Variants in ADGB observed in about 807,000 individuals in gnomAD.
The protein encoded by ADGB is calpain-7-like protein.
A neutral mutation model predicts 210.5 loss-of-function variants in ADGB; 172 were observed. The ratio of observed to expected loss-of-function variants is 0.82; its 90% CI spans 0.72 to 0.93. The LOEUF is 0.93. Among genes scored for constraint, ADGB ranks in the 40% least tolerant of loss-of-function variants. The pLI is 0.00. For synonymous variants in ADGB, 658 were observed against 662.7 expected (o/e 0.99, Z 0.11); for missense variants, 2,025 against 1,964.8 (o/e 1.03, Z -0.58).
intron 27 of ADGB, among the ~76,000 whole-genome samples, chr6:146,760,966 G>A (rs573724753): frequency 6.6e-6 from 1 of 151,802 alleles, no homozygotes; most frequent in South Asian, 2.1e-4. Context: ...TTATTAACCT[G>A]TTCTTCATAT....
intron 23 of ADGB, among the ~76,000 whole-genome samples, chr6:146,739,262 T>G (rs1650911793): frequency 1.3e-5 from 2 of 152,206 alleles, no homozygotes; most frequent in African/African-American, 2.4e-5. Context: ...AGGGGTGTCA[T>G]GCATTGACAG....
intron 13 of ADGB, among the ~76,000 whole-genome samples, chr6:146,707,496 T>G (rs550299522): frequency 1.1e-4 from 17 of 152,260 alleles, no homozygotes; most frequent in Non-Finnish European, 2.1e-4. Flanking sequence ...TAATATTGCT[T>G]TATACATTTA....
chr6:146,750,508 G>A (rs1777303888), intron 26 of ADGB, among the ~76,000 whole-genome samples: 2 of 152,082 alleles, frequency 1.3e-5, no homozygotes, highest in South Asian at 4.1e-4. Flanking sequence ...AGTGAGTCAT[G>A]ATTGCACCAC....
At chr6:146,654,792 G>C (rs751104755) in intron 4 of ADGB, among the ~76,000 whole-genome samples, 1 of 152,094 alleles carries the variant, frequency 6.6e-6, no homozygotes, top group Non-Finnish European at 1.5e-5. Context: ...TATTGTGTGT[G>C]TTATTGTGTG....
At chr6:146,664,493 CA>C (rs1258131578) in intron 6 of ADGB, 153 bp downstream of exon 6, 1 of 704,266 alleles carries the variant, frequency 1.4e-6, no homozygotes, top group East Asian at 3.2e-5. Flanking sequence ...TCAAATACGC[CA>C]AAACCACTGA....
At chr6:146,716,473 G>A (rs1264985691) in intron 14 of ADGB, among the ~76,000 whole-genome samples, 3 of 141,472 alleles carry the variant, frequency 2.1e-5, no homozygotes, top group Admixed American at 2.0e-4. Context: ...GGCGCCTGTA[G>A]TCCCAGCTAC....
intron 35 of ADGB, among the ~76,000 whole-genome samples, chr6:146,804,312 A>G (rs1778178910): frequency 6.6e-6 from 1 of 152,134 alleles, no homozygotes; most frequent in South Asian, 2.1e-4. Flanking sequence ...CCTATAGGAA[A>G]TTCTAAATAT....
chr6:146,665,083 G>A (rs1345013822), intron 6 of ADGB, among the ~76,000 whole-genome samples: 1 of 151,904 alleles, frequency 6.6e-6, no homozygotes, highest in Admixed American at 6.6e-5. Flanking sequence ...GCACAGGCTG[G>A]GATTTTATAC....
chr6:146,674,244 C>A (rs1391757721), intron 8 of ADGB, among the ~76,000 whole-genome samples: 1 of 152,002 alleles, frequency 6.6e-6, no homozygotes, highest in Admixed American at 6.6e-5. Context: ...GTATAAACAA[C>A]CCTGTGAGAA....
chr6:146,691,038 G>A (rs569704012), intron 10 of ADGB, 78 bp from the exon 11 acceptor site: 9 of 1,286,254 alleles, frequency 7.0e-6, no homozygotes, highest in South Asian at 3.7e-5. Flanking sequence ...TGCTCTGTTC[G>A]TGATAGTATT....
At chr6:146,658,915 T>A (rs1775819168) in intron 5 of ADGB, among the ~76,000 whole-genome samples, 1 of 152,196 alleles carries the variant, frequency 6.6e-6, no homozygotes, top group Admixed American at 6.5e-5. Flanking sequence ...AGCACTGACA[T>A]ACCAGTTCCC....
chr6:146,788,770 G>T (rs987818434), intron 33 of ADGB, among the ~76,000 whole-genome samples, 160 bp downstream of exon 33: 31 of 152,172 alleles, frequency 2.0e-4, no homozygotes, highest in African/African-American at 7.5e-4. Context: ...TTGGGAATTT[G>T]CTCAAGGACC....
At chr6:146,626,375 C>A (rs1007517857) in intron 1 of ADGB, among the ~76,000 whole-genome samples, 1 of 151,858 alleles carries the variant, frequency 6.6e-6, no homozygotes, top group Non-Finnish European at 1.5e-5. Context: ...ATTTGTTTGG[C>A]AGATCCATAT....
intron 13 of ADGB, among the ~76,000 whole-genome samples, chr6:146,713,900 C>G (rs1038451513): frequency 6.6e-6 from 1 of 152,108 alleles, no homozygotes; most frequent in African/African-American, 2.4e-5. Flanking sequence ...GTATCCGCTT[C>G]AGTGCCTAAA....
At chr6:146,814,142 G>T (rs996150031) in intron 35 of ADGB, among the ~76,000 whole-genome samples, 4 of 152,152 alleles carry the variant, frequency 2.6e-5, no homozygotes, top group Non-Finnish European at 5.9e-5. Flanking sequence ...ACTTCAGGAA[G>T]TCCGATTCTG....
chr6:146,648,340 C>G (rs1042144698), intron 3 of ADGB, among the ~76,000 whole-genome samples: 1 of 152,084 alleles, frequency 6.6e-6, no homozygotes, highest in Non-Finnish European at 1.5e-5. Flanking sequence ...ACATTAGCCA[C>G]TGTGTTCAGC....
At chr6:146,784,485 A>C (rs942288951) in intron 30 of ADGB, 133 bp from the exon 31 acceptor site, 9 of 740,792 alleles carry the variant, frequency 1.2e-5, no homozygotes. Context: ...TTTTCGTACA[A>C]GTCTTTTGTG....
intron 8 of ADGB, among the ~76,000 whole-genome samples, chr6:146,675,455 G>A (rs992593042): frequency 4.6e-5 from 7 of 151,634 alleles, no homozygotes; most frequent in Admixed American, 4.6e-4. Flanking sequence ...AGCCTGGGTG[G>A]CAGAGTGAAA....
intron 3 of ADGB, among the ~76,000 whole-genome samples, chr6:146,649,573 C>T (rs1775670246): frequency 6.6e-6 from 1 of 151,830 alleles, no homozygotes; most frequent in African/African-American, 2.4e-5. Flanking sequence ...TCATGGCAGC[C>T]TCAACCTCCT....
Sources: gnomAD v4.1 joint callset for allele counts (sites outside exome capture counted in the v4.1 genomes callset) on GRCh38, gnomAD v4.1.1 for gene constraint, MANE v1.5 for transcripts, NCBI Gene and HGNC (gene_info 2026-07-23, HGNC 2026-07-21) for gene names.